Variants in PAK1IP1 observed in about 807,000 individuals in gnomAD.
PAK1IP1 encodes the protein p21-activated protein kinase-interacting protein 1.
Under a neutral mutation model 42.0 loss-of-function variants are expected in PAK1IP1, and 24 were observed. The observed-to-expected ratio is 0.57, with a 90% CI of 0.41 to 0.80. PAK1IP1 has a LOEUF of 0.80. PAK1IP1 is among the 30% of genes least tolerant of loss of function. The pLI, the probability that PAK1IP1 is intolerant of heterozygous loss-of-function variation, is 0.00. For synonymous variants in PAK1IP1, 154 were observed against 156.7 expected (o/e 0.98, Z 0.13); for missense variants, 411 against 467.9 (o/e 0.88, Z 1.12).
chr6:10,693,004 T>C (rs1258434646), upstream of PAK1IP1, among the ~76,000 whole-genome samples: 1 of 152,232 alleles, frequency 6.6e-6, no homozygotes, highest in East Asian at 1.9e-4. Context: ...GAATAAATCA[T>C]AAATGTTAGA....
chr6:10,692,688 G>T (rs1208924955), upstream of PAK1IP1, among the ~76,000 whole-genome samples: 2 of 152,118 alleles, frequency 1.3e-5, no homozygotes, highest in Admixed American at 1.3e-4. Flanking sequence ...AAAGTGCTGG[G>T]ATTACAGGCA....
upstream of PAK1IP1, among the ~76,000 whole-genome samples, chr6:10,691,599 T>C (rs542239824): frequency 6.6e-6 from 1 of 152,246 alleles, no homozygotes; most frequent in South Asian, 2.1e-4. Context: ...TTTTAGTTTT[T>C]ACTTCTTCTT....
intron 1 of PAK1IP1, among the ~76,000 whole-genome samples, 155 bp downstream of exon 1, chr6:10,695,224 A>C (rs1769769802): frequency 6.6e-6 from 1 of 152,214 alleles, no homozygotes; most frequent in African/African-American, 2.4e-5. Flanking sequence ...TAACCTTTTA[A>C]ACCGTAGAAT....
At chr6:10,697,874 G>T (rs111891709) in intron 2 of PAK1IP1, among the ~76,000 whole-genome samples, 12,086 of 150,190 alleles carry the variant, frequency 0.08, 1,446 homozygotes, top group African/African-American at 0.26. Flanking sequence ...CTGGGCAACA[G>T]AGTGAGACTC....
chr6:10,698,099 T>C (rs1769912338), intron 2 of PAK1IP1, among the ~76,000 whole-genome samples: 4 of 152,210 alleles, frequency 2.6e-5, no homozygotes, highest in African/African-American at 9.6e-5. Context: ...GAGCCGGCAG[T>C]GTGAGGAGCA....
intron 2 of PAK1IP1, among the ~76,000 whole-genome samples, chr6:10,701,098 G>A (rs1048546952): frequency 2.0e-5 from 3 of 151,752 alleles, no homozygotes; most frequent in Non-Finnish European, 4.4e-5. Flanking sequence ...TCTTTTTTGA[G>A]ATGCAGTCTT....
rs145305623 is a variant in PAK1IP1, at chr6:10,704,603, G to A, written c.593G>A (p.Ser198Asn). The A allele has an allele frequency of 1.2e-6, 2 of 1,609,908 alleles. No individual in the cohort carries two copies. The highest frequency in any genetic ancestry group is 1.7e-5 in the Admixed American group (1 of 59,852). The change falls in exon 6 of 10, where the codon AGT becomes AAT. Residue 198 changes from serine (S) to asparagine (N), a missense_variant. Coordinates refer to ENST00000379568, the MANE Select transcript of PAK1IP1 (RefSeq NM_017906.3). ...DIYQLDTASI[S>N]GTITNEKRIS... ...TATCAGCTTGACACTGCATCCATTA[G>A]TGGCACCATCACAAATGAAAAGAGA...
At chr6:10,704,485 C>A in intron 5 of PAK1IP1, 22 bp from the exon 6 acceptor site, 1 of 1,454,450 alleles carries the variant, frequency 6.9e-7, no homozygotes, top group East Asian at 2.4e-5. Flanking sequence ...AATAAATAAA[C>A]TTCGTTTTTT....
At chr6:10,707,848 C>A (rs561666199) in intron 8 of PAK1IP1, among the ~76,000 whole-genome samples, 1 of 152,102 alleles carries the variant, frequency 6.6e-6, no homozygotes, top group Non-Finnish European at 1.5e-5. Context: ...TGATCAATTA[C>A]AAAATTAACA....
At chr6:10,702,776 G>A (rs6939098) in intron 4 of PAK1IP1, 137 bp downstream of exon 4, 20,714 of 655,558 alleles carry the variant, frequency 0.032, 2,300 homozygotes, top group African/African-American at 0.28. Flanking sequence ...GTGGTAGAAT[G>A]AAAATGACAA....
chr6:10,697,542 C>T lies in PAK1IP1; in HGVS notation c.247+56C>T, dbSNP rs113503688. On this transcript the variant is annotated intron_variant, in intron 2 of 9. Transcript: ENST00000379568. ...CATAGAGGTTTTCTTTACAATTTGA[C>T]TTCAGTTGAACAATTTGTTGTATCT... 1.3e-3 allele frequency: 1,710 copies of T among 1,269,394 alleles called. 13 individuals are homozygous for T. The African/African-American group carries it at 0.02, about 15-fold the overall frequency. 78.6% of individuals were successfully genotyped at this position (1,269,394 alleles called of 1,614,324 possible). A position where few individuals can be genotyped will look rare whatever the true frequency, so the allele number is the denominator to read the frequency against.
At chr6:10,706,255 G>A (rs999378901) in intron 7 of PAK1IP1, among the ~76,000 whole-genome samples, 2 of 152,100 alleles carry the variant, frequency 1.3e-5, no homozygotes, top group Admixed American at 1.3e-4. Context: ...AGGCACAGGT[G>A]CAAAGACCCT....
intron 2 of PAK1IP1, 122 bp from the exon 3 acceptor site, chr6:10,702,240 CAAAAAAA>C: frequency 1.7e-6 from 1 of 571,702 alleles, no homozygotes; most frequent in Non-Finnish European, 2.8e-6. Context: ...AACCCTGCCT[CAAAAAAA>C]AAAAAAAGAA....
intron 2 of PAK1IP1, 96 bp from the exon 3 acceptor site, chr6:10,702,273 T>G: frequency 2.1e-6 from 2 of 939,740 alleles, no homozygotes; most frequent in Non-Finnish European, 3.2e-6. Flanking sequence ...AAAAAAGGTA[T>G]TGAGTGTTTT....
Position 10,697,470 on chromosome 6 carries a change from T to C in PAK1IP1, c.231T>C (p.Ala77=). ...TGAAAAAGAAGATTGAGCATGGGGCTCTAGTGCATCACAGTGGTAAGAAAA... is the reference window on the plus strand; with the variant it reads ...TGAAAAAGAAGATTGAGCATGGGGCCCTAGTGCATCACAGTGGTAAGAAAA... ...YDMKKKIEHG[A]LVHHSGTITC... The change falls in exon 2 of 10, where the codon GCT becomes GCC. Residue 77 remains alanine, a synonymous_variant. Coordinates refer to ENST00000379568, the MANE Select transcript of PAK1IP1 (RefSeq NM_017906.3). 2 of 1,613,300 alleles carry C rather than the reference T, an allele frequency of 1.2e-6. No homozygotes were observed. Among genetic ancestry groups the C allele is most frequent in the South Asian group, 1.1e-5 (1 of 91,036 alleles).
intron 1 of PAK1IP1, among the ~76,000 whole-genome samples, chr6:10,695,346 G>A (rs1769777909): frequency 6.6e-6 from 1 of 152,196 alleles, no homozygotes; most frequent in Non-Finnish European, 1.5e-5. Context: ...GTAGATTGTG[G>A]ATTTAAGGAT....
At chr6:10,698,931 T>C (rs1427667192) in intron 2 of PAK1IP1, among the ~76,000 whole-genome samples, 2 of 152,092 alleles carry the variant, frequency 1.3e-5, no homozygotes, top group African/African-American at 4.8e-5. Context: ...CCAGGCGCGG[T>C]GGCTCGCGCC....
At chr6:10,699,895 AAGATTAAGGCACCAGC>A (rs1769972141) in intron 2 of PAK1IP1, among the ~76,000 whole-genome samples, 1 of 152,168 alleles carries the variant, frequency 6.6e-6, no homozygotes, top group Non-Finnish European at 1.5e-5. Flanking sequence ...TGGGAAGTCT[AAGATTAAGGCACCAGC>A]AGATTTTCTT....
upstream of PAK1IP1, chr6:10,694,681 T>A (rs73439096): frequency 6.5e-6 from 2 of 306,244 alleles, no homozygotes; most frequent in Non-Finnish European, 1.2e-5. Context: ...GCCCGCTCCC[T>A]TCAGACGGGC....
Sources: allele counts gnomAD v4.1 joint callset (sites outside exome capture counted in the v4.1 genomes callset), GRCh38; gene constraint gnomAD v4.1.1; transcripts MANE v1.5; gene names NCBI Gene and HGNC (gene_info 2026-07-23, HGNC 2026-07-21).